TXLNB: variants seen among roughly 807,000 people sequenced by gnomAD.
The protein encoded by TXLNB is taxilin beta.
A neutral mutation model predicts 57.4 loss-of-function variants in TXLNB; 37 were observed. That is an observed-to-expected ratio of 0.64 (90% CI 0.50 to 0.85). TXLNB has a LOEUF of 0.85. Ranked by LOEUF, TXLNB falls within the 40% of genes least tolerant of loss-of-function variation. TXLNB has a pLI of 0.00. For missense variants in TXLNB, 848 were observed against 825.6 expected (o/e 1.03, Z -0.33); for synonymous variants, 302 against 309.6 (o/e 0.98, Z 0.26).
At chr6:139,300,956 A>G in the TXLNB span, among the ~76,000 whole-genome samples, 1 of 152,178 alleles carries the variant, frequency 6.6e-6, no homozygotes, top group African/African-American at 2.4e-5. Flanking sequence ...ACTACAAAGG[A>G]AGCACCACAT....
At position 139,285,690 on chromosome 6, in the gene TXLNB, A is replaced by G. The variant is rs535859716; in HGVS notation, c.424+2786T>C. On this transcript the variant is annotated intron_variant, in intron 2 of 9. Coordinates refer to ENST00000358430, the MANE Select transcript of TXLNB (RefSeq NM_153235.4). ...CAATGGGTTTTAGCATCATAGCGAT[A>G]TCTGTAGGAAAATAGCCCCTTGCAT... is the stretch of plus-strand genomic sequence containing the variant. 1.7e-4 allele frequency among the ~76,000 whole-genome samples: 25 copies of G among 145,098 alleles called. 4 individuals are homozygous for G. The highest frequency in any genetic ancestry group is 3.2e-4 in the Non-Finnish European group (21 of 65,274).
At chr6:139,199,431 G>A in the TXLNB span, among the ~76,000 whole-genome samples, 1 of 152,136 alleles carries the variant, frequency 6.6e-6, no homozygotes, top group African/African-American at 2.4e-5. Context: ...TTGGCCCTGG[G>A]GTCCAGTGGT....
the TXLNB span, among the ~76,000 whole-genome samples, chr6:139,217,090 C>A: frequency 6.6e-6 from 1 of 152,132 alleles, no homozygotes; most frequent in Non-Finnish European, 1.5e-5. Flanking sequence ...GGTATTTTGG[C>A]GAGAATGAGG....
rs200124895 is a variant in TXLNB, at chr6:139,242,640, T to C, written c.1941A>G (p.Ala647=). 4.4e-6 allele frequency: 7 copies of C among 1,607,422 alleles called. No homozygotes were observed. The South Asian group carries it at 4.4e-5, about 10-fold the overall frequency. ...AEEHVAAMVP[A]CEPSRQPPRA... is the part of the protein sequence containing the mutation. ...GTGGGGGCTGCCTACTGGGCTCGCA[T>C]GCAGGCACCATGGCTGCAACGTGCT... The change falls in exon 10 of 10, where the codon GCA becomes GCG. Residue 647 remains alanine (A), a synonymous_variant. Coordinates refer to ENST00000358430, the MANE Select transcript of TXLNB (RefSeq NM_153235.4).
the TXLNB span, among the ~76,000 whole-genome samples, chr6:139,190,305 C>CTTTTTTTTTTTTTTT: frequency 1.3e-4 from 14 of 108,880 alleles, 1 homozygote; most frequent in Non-Finnish European, 1.5e-4. Context: ...TTCTTTCTTT[C>CTTTTTTTTTTTTTTT]TTTCTTTTTT....
chr6:139,189,689 A>C, the TXLNB span, among the ~76,000 whole-genome samples: 2 of 152,200 alleles, frequency 1.3e-5, no homozygotes, highest in African/African-American at 2.4e-5. Flanking sequence ...CTTCAAAGAC[A>C]ATATTGTCTT....
At chr6:139,275,901 G>A (rs1013457686) in intron 3 of TXLNB, among the ~76,000 whole-genome samples, 1 of 152,172 alleles carries the variant, frequency 6.6e-6, no homozygotes, top group Non-Finnish European at 1.5e-5. Context: ...ACTGTTGGGG[G>A]CAGTTCAACT....
the TXLNB span, among the ~76,000 whole-genome samples, chr6:139,173,800 C>T: frequency 1.3e-5 from 2 of 152,136 alleles, no homozygotes; most frequent in African/African-American, 2.4e-5. Context: ...AGACATTGAA[C>T]TTCTTTTAAA....
the TXLNB span, among the ~76,000 whole-genome samples, chr6:139,311,445 C>CTG: frequency 2.3e-3 from 299 of 129,810 alleles, 2 homozygotes; most frequent in African/African-American, 8.6e-3. Context: ...GGTGATGAAA[C>CTG]TGTAACTTGT....
the TXLNB span, among the ~76,000 whole-genome samples, chr6:139,220,290 T>G: frequency 6.6e-6 from 1 of 152,234 alleles, no homozygotes; most frequent in Admixed American, 6.5e-5. Context: ...ATTTCTGTTG[T>G]TTGTAAGCCA....
the TXLNB span, among the ~76,000 whole-genome samples, chr6:139,174,960 T>G: frequency 4.6e-5 from 7 of 152,188 alleles, no homozygotes; most frequent in South Asian, 6.2e-4. Context: ...ATAGAAAAAA[T>G]GTTATTCAAA....
the TXLNB span, among the ~76,000 whole-genome samples, chr6:139,193,873 GCT>G: frequency 2.6e-5 from 3 of 116,282 alleles, no homozygotes; most frequent in East Asian, 7.3e-4. Flanking sequence ...ACGGAGTCTC[GCT>G]CTGTCGCCCA....
At chr6:139,221,757 A>G in the TXLNB span, among the ~76,000 whole-genome samples, 2,022 of 152,348 alleles carry the variant, frequency 0.013, 17 homozygotes, top group Middle Eastern at 0.027. Flanking sequence ...ATGGATTGGT[A>G]TAACAGTGGC....
intron 7 of TXLNB, among the ~76,000 whole-genome samples, chr6:139,250,357 C>CTTTTTTTT (rs61441759): frequency 6.7e-5 from 8 of 118,882 alleles, no homozygotes; most frequent in Non-Finnish European, 1.0e-4. Flanking sequence ...TTCTTTCTTT[C>CTTTTTTTT]TTTTTTTTTT....
At chr6:139,165,584 CT>C in the TXLNB span, among the ~76,000 whole-genome samples, 395 of 138,168 alleles carry the variant, frequency 2.9e-3, no homozygotes, top group South Asian at 6.2e-3. Context: ...GTGGCAACCA[CT>C]TTTTTTTTTT....
chr6:139,187,878 G>T, the TXLNB span, among the ~76,000 whole-genome samples: 4 of 152,200 alleles, frequency 2.6e-5, no homozygotes, highest in Non-Finnish European at 5.9e-5. Context: ...CTACCTGGGG[G>T]TGTTAAATGA....
chr6:139,252,729 C>T (rs566309707), intron 7 of TXLNB, among the ~76,000 whole-genome samples: 12 of 152,316 alleles, frequency 7.9e-5, no homozygotes, highest in African/African-American at 2.2e-4. Context: ...CAGTGGCTCA[C>T]GCCTGGAATC....
chr6:139,239,247 A>T (rs1338776110), downstream of TXLNB: 2 of 152,296 alleles, frequency 1.3e-5, no homozygotes, highest in Non-Finnish European at 2.9e-5. This position sits in a 1 kb window ranked among gnomAD's most constrained non-coding sequence, Gnocchi z 4.7. Context: ...TTCTTGGAGC[A>T]GTCAGGAGGG....
the TXLNB span, among the ~76,000 whole-genome samples, chr6:139,172,625 C>G: frequency 6.6e-6 from 1 of 152,138 alleles, no homozygotes; most frequent in Non-Finnish European, 1.5e-5. Context: ...ATTCAAAATT[C>G]TCTGTGGTCA....
Sources: gnomAD v4.1 joint callset for allele counts (sites outside exome capture counted in the v4.1 genomes callset) on GRCh38, gnomAD v4.1.1 for gene constraint, Gnocchi (gnomAD v3.1) non-coding constraint, MANE v1.5 for transcripts, NCBI Gene and HGNC (gene_info 2026-07-23, HGNC 2026-07-21) for gene names.